KIAA0513: variants seen among roughly 807,000 people sequenced by gnomAD.
KIAA0513 encodes KIAA0513, also known as uncharacterized protein KIAA0513.
KIAA0513 carries 39 observed loss-of-function variants against 56.5 expected under a neutral mutation model. The ratio of observed to expected loss-of-function variants is 0.69; its 90% CI spans 0.53 to 0.90. The LOEUF (loss-of-function observed/expected upper bound fraction) is 0.90, where lower values mean the gene tolerates loss of function less well. Ranked by LOEUF, KIAA0513 falls within the 40% of genes least tolerant of loss-of-function variation. KIAA0513 has a pLI of 0.00. For synonymous variants in KIAA0513, 268 were observed against 215.6 expected (o/e 1.24, Z -2.13); for missense variants, 591 against 535.2 (o/e 1.10, Z -1.03).
chr16:85,038,522 C>T (rs527325396), intron 1 of KIAA0513, among the ~76,000 whole-genome samples: 1 of 152,074 alleles, frequency 6.6e-6, no homozygotes, highest in Non-Finnish European at 1.5e-5. Flanking sequence ...GTCTGACCAA[C>T]ACAGTGAAAC....
intron 1 of KIAA0513, among the ~76,000 whole-genome samples, chr16:85,043,925 G>C (rs552372456): frequency 3.3e-5 from 5 of 152,148 alleles, no homozygotes; most frequent in Non-Finnish European, 5.9e-5. Flanking sequence ...CCAGCTACTC[G>C]GGAAGCTAAG....
At chr16:85,077,708 C>T in intron 6 of KIAA0513, 76 bp downstream of exon 6, 5 of 1,104,956 alleles carry the variant, frequency 4.5e-6, no homozygotes, top group Non-Finnish European at 5.2e-6. Context: ...ACGGGGGCAG[C>T]AGGGAGGGTG....
chr16:85,040,071 T>C (rs2073085745), intron 1 of KIAA0513, among the ~76,000 whole-genome samples: 4 of 151,944 alleles, frequency 2.6e-5, no homozygotes, highest in African/African-American at 9.7e-5. Context: ...TGACCTCAGG[T>C]GATCCGCCCG....
chr16:85,067,416 G>A lies in KIAA0513; in HGVS notation c.329+16G>A, dbSNP rs1006985506. 6.3e-7 allele frequency: 1 copy of A among 1,576,528 alleles called. No homozygotes were observed. The highest frequency in any genetic ancestry group is 1.3e-5 in the African/African-American group (1 of 74,428). On this transcript the variant is annotated intron_variant, in intron 2 of 12. Transcript: ENST00000683363. The stretch of plus-strand genomic sequence containing the variant: ...TCTCTGGAGGGTAAGGGGCCTGTGT[G>A]GACGAGACAGCCTGGTGTGGCCACA...
chr16:85,072,822 C>A, intron 3 of KIAA0513, 103 bp from the exon 4 acceptor site: 1 of 1,151,000 alleles, frequency 8.7e-7, no homozygotes, highest in Non-Finnish European at 1.3e-6. Context: ...GGCCCCCATC[C>A]CAGCTGCATT....
chr16:85,028,404 G>A (rs1235906596), intron 1 of KIAA0513, among the ~76,000 whole-genome samples: 1 of 152,174 alleles, frequency 6.6e-6, no homozygotes, highest in Non-Finnish European at 1.5e-5. Flanking sequence ...TGAGAGAAAG[G>A]GGCTTCCTGG....
At chr16:85,034,756 T>G (rs2073011915) in intron 1 of KIAA0513, among the ~76,000 whole-genome samples, 1 of 152,090 alleles carries the variant, frequency 6.6e-6, no homozygotes, top group African/African-American at 2.4e-5. Context: ...ACCAAAACAG[T>G]ATAACGTAGC....
At chr16:85,084,315 G>A (rs1199088180) in intron 10 of KIAA0513, among the ~76,000 whole-genome samples, 67 of 146,818 alleles carry the variant, frequency 4.6e-4, no homozygotes, top group African/African-American at 1.6e-3. Flanking sequence ...GTGCGATCTC[G>A]GCTCACTGTA....
At chr16:85,060,176 G>A (rs1273740522) in intron 1 of KIAA0513, among the ~76,000 whole-genome samples, 2 of 152,184 alleles carry the variant, frequency 1.3e-5, no homozygotes, top group East Asian at 3.9e-4. Context: ...GGCCAGGCTG[G>A]TCTTGAACTC....
chr16:85,030,215 A>G (rs1597581860), intron 1 of KIAA0513, among the ~76,000 whole-genome samples: 1 of 152,166 alleles, frequency 6.6e-6, no homozygotes, highest in Admixed American at 6.5e-5. Flanking sequence ...GTATGATTGC[A>G]AAGAGCGTCT....
Position 85,087,807 on chromosome 16 carries a change from G to A in KIAA0513, c.1187-469G>A, listed in dbSNP as rs117517577. On this transcript the variant is annotated intron_variant, in intron 12 of 12. Transcript: ENST00000683363. ...CTCTACCTAATTCAAGGGATCTGTG[G>A]TGGAGTGGCCTCAGGAGGCATGAGA... Among the ~76,000 whole-genome samples the A allele has an allele frequency of 4.8e-4, 73 of 152,336 alleles. 2 individuals are homozygous for A. In the East Asian group the frequency reaches 0.014, roughly 28 times the overall value.
At chr16:85,034,557 C>A (rs1379068465) in intron 1 of KIAA0513, among the ~76,000 whole-genome samples, 1 of 152,122 alleles carries the variant, frequency 6.6e-6, no homozygotes, top group African/African-American at 2.4e-5. Flanking sequence ...AGACTTCACT[C>A]GGTAGGGTTT....
chr16:85,061,478 G>T (rs1040073154), intron 1 of KIAA0513, among the ~76,000 whole-genome samples: 2 of 152,332 alleles, frequency 1.3e-5, no homozygotes, highest in Non-Finnish European at 2.9e-5. Flanking sequence ...GTGCACATGC[G>T]TGTGATGTGT....
intron 2 of KIAA0513, among the ~76,000 whole-genome samples, chr16:85,069,874 A>G (rs559304914): frequency 6.6e-6 from 1 of 152,246 alleles, no homozygotes; most frequent in East Asian, 1.9e-4. Flanking sequence ...TAACACAATT[A>G]GAATTTGTGG....
intron 8 of KIAA0513, among the ~76,000 whole-genome samples, chr16:85,079,917 G>C (rs941955325): frequency 6.6e-6 from 1 of 152,158 alleles, no homozygotes; most frequent in Non-Finnish European, 1.5e-5. Flanking sequence ...GATGATGGTC[G>C]TGCTGCGTTA....
intron 4 of KIAA0513, 23 bp downstream of exon 4, chr16:85,073,021 G>A: frequency 6.2e-7 from 1 of 1,602,650 alleles, no homozygotes; most frequent in Non-Finnish European, 8.5e-7. Flanking sequence ...GTGGCACAAA[G>A]CCTTTGTCCT....
intron 1 of KIAA0513, among the ~76,000 whole-genome samples, chr16:85,039,772 A>G (rs1215915398): frequency 2.0e-5 from 3 of 150,908 alleles, no homozygotes; most frequent in Non-Finnish European, 4.4e-5. Flanking sequence ...CACTGCTGGC[A>G]TGATTACTCT....
intron 4 of KIAA0513, among the ~76,000 whole-genome samples, chr16:85,075,210 A>C (rs957389363): frequency 4.0e-5 from 6 of 150,892 alleles, no homozygotes; most frequent in African/African-American, 1.5e-4. Flanking sequence ...AAAAGATAAA[A>C]ATGGCCTTTA....
chr16:85,056,707 C>T (rs2073335625), intron 1 of KIAA0513, among the ~76,000 whole-genome samples: 2 of 152,082 alleles, frequency 1.3e-5, no homozygotes, highest in African/African-American at 4.8e-5. Flanking sequence ...AGATGCTTGT[C>T]TTCTTGTTTT....
Sources: allele counts gnomAD v4.1 joint callset (sites outside exome capture counted in the v4.1 genomes callset), GRCh38; gene constraint gnomAD v4.1.1; transcripts MANE v1.5; gene names NCBI Gene and HGNC (gene_info 2026-07-23, HGNC 2026-07-21).